Variants in CEMIP observed in about 807,000 individuals in gnomAD.
CEMIP encodes the protein cell migration-inducing and hyaluronan-binding protein.
A neutral mutation model predicts 156.9 loss-of-function variants in CEMIP; 105 were observed. The ratio of observed to expected loss-of-function variants is 0.67; its 90% CI spans 0.57 to 0.79. The LOEUF is 0.79. CEMIP is among the 30% of genes least tolerant of loss of function. CEMIP has a pLI of 0.00. For missense variants in CEMIP, 1,457 were observed against 1,769.4 expected, an observed-to-expected ratio of 0.82 and a Z score of 3.17; for synonymous variants, 676 against 668.4, an observed-to-expected ratio of 1.01 and a Z score of -0.17.
intron 14 of CEMIP, among the ~76,000 whole-genome samples, chr15:80,917,841 A>T (rs2141914557): frequency 6.6e-6 from 1 of 152,352 alleles, no homozygotes; most frequent in East Asian, 1.9e-4. Context: ...AAAAAAATTA[A>T]AATTGAATAG....
At chr15:80,850,239 G>A (rs1897680496) in intron 1 of CEMIP, among the ~76,000 whole-genome samples, 1 of 152,116 alleles carries the variant, frequency 6.6e-6, no homozygotes, top group South Asian at 2.1e-4. Flanking sequence ...GGGGTTTTGG[G>A]CATGTGTAGA....
chr15:80,825,972 T>C (rs1442628918), intron 1 of CEMIP, among the ~76,000 whole-genome samples: 1 of 152,226 alleles, frequency 6.6e-6, no homozygotes, highest in Non-Finnish European at 1.5e-5. Context: ...TTGTATGACA[T>C]ACAGACTCAC....
rs766191791 is a variant in CEMIP, at chr15:80,920,045, C to T, written c.1798-49C>T. The stretch of plus-strand genomic sequence containing the variant: ...TGTTTGCTGAATGCATGAATGAGCA[C>T]ATGAATAACTGGATGCTTGGTGAAA... On this transcript the variant is annotated intron_variant, in intron 14 of 29. Transcript: ENST00000394685. The T allele has an allele frequency of 2.6e-6, 4 of 1,563,190 alleles. No individual in the cohort carries two copies. In the Admixed American group the frequency reaches 5.0e-5, roughly 20 times the overall value.
intron 3 of CEMIP, among the ~76,000 whole-genome samples, chr15:80,876,407 G>A (rs1342360344): frequency 1.3e-5 from 2 of 152,230 alleles, no homozygotes; most frequent in Non-Finnish European, 2.9e-5. Context: ...AAAGTCCACT[G>A]ATGAGCAAGC....
At position 80,906,873 on chromosome 15, in the gene CEMIP, C is replaced by T; in HGVS notation, c.1587+35C>T. 6.3e-7 allele frequency: 1 copy of T among 1,582,824 alleles called. No homozygotes were observed. The highest frequency in any genetic ancestry group is 8.6e-7 in the Non-Finnish European group (1 of 1,162,634). Reference sequence around the variant, plus strand: ...TCTCTGGCAGAGTCTTTCAACCCAACCAGGAGAGTTCCTATGATGTCAGCC... The same window carrying T: ...TCTCTGGCAGAGTCTTTCAACCCAATCAGGAGAGTTCCTATGATGTCAGCC... On this transcript the variant is annotated intron_variant, in intron 13 of 29. Coordinates refer to ENST00000394685, the MANE Select transcript of CEMIP (RefSeq NM_001293298.2). This position sits in a 1 kb window ranked among gnomAD's most constrained non-coding sequence, Gnocchi z 4.3.
At chr15:80,792,908 G>A (rs7161895) in intron 1 of CEMIP, among the ~76,000 whole-genome samples, 117,599 of 152,154 alleles carry the variant, frequency 0.77, 45,549 homozygotes, top group East Asian at 0.85. Context: ...CATGAATGTT[G>A]TCCTGAGAGG....
At chr15:80,792,293 C>T (rs1896100721) in intron 1 of CEMIP, among the ~76,000 whole-genome samples, 1 of 152,158 alleles carries the variant, frequency 6.6e-6, no homozygotes, top group Non-Finnish European at 1.5e-5. Context: ...GCAAAATAAA[C>T]TGTTCTCCAT....
chr15:80,885,802 T>A (rs1461501022), intron 7 of CEMIP, among the ~76,000 whole-genome samples: 1 of 152,234 alleles, frequency 6.6e-6, no homozygotes, highest in African/African-American at 2.4e-5. Flanking sequence ...GAATAAGCAC[T>A]CCATAAATGT....
chr15:80,941,092 G>C (rs60030974), intron 25 of CEMIP, among the ~76,000 whole-genome samples: 1 of 152,144 alleles, frequency 6.6e-6, no homozygotes, highest in African/African-American at 2.4e-5. Context: ...TGTGGTAGGG[G>C]TTTGGGGGCG....
chr15:80,790,580 G>A (rs1184167549), intron 1 of CEMIP, among the ~76,000 whole-genome samples: 1 of 152,168 alleles, frequency 6.6e-6, no homozygotes, highest in African/African-American at 2.4e-5. Flanking sequence ...AGCTCCAGGT[G>A]GGGGTCACTC....
chr15:80,883,652 G>A (rs1051931810), intron 6 of CEMIP, among the ~76,000 whole-genome samples: 2 of 152,176 alleles, frequency 1.3e-5, no homozygotes, highest in African/African-American at 4.8e-5. Context: ...TTGGATCTCT[G>A]CAAGTAACTC....
At chr15:80,870,647 C>G (rs758435865) in intron 1 of CEMIP, among the ~76,000 whole-genome samples, 1 of 152,190 alleles carries the variant, frequency 6.6e-6, no homozygotes, top group African/African-American at 2.4e-5. Flanking sequence ...GCAACGCCAG[C>G]AAGCAACGCC....
chr15:80,927,680 G>A (rs942632016), intron 19 of CEMIP, among the ~76,000 whole-genome samples: 7 of 152,104 alleles, frequency 4.6e-5, no homozygotes, highest in South Asian at 2.1e-4. Flanking sequence ...GTGGTCCTAC[G>A]TGTGGACAAG....
chr15:80,942,101 C>T (rs974035381), intron 26 of CEMIP, 48 bp downstream of exon 26: 16 of 1,581,174 alleles, frequency 1.0e-5, no homozygotes, highest in African/African-American at 1.3e-5. Context: ...TCCAGTCGGG[C>T]CTAGAGCCCT....
chr15:80,779,855 A>G (rs1257980404), intron 1 of CEMIP, among the ~76,000 whole-genome samples: 1 of 152,222 alleles, frequency 6.6e-6, no homozygotes, highest in Non-Finnish European at 1.5e-5. Context: ...AGATCTTGTG[A>G]TGCTTTACAA....
intron 18 of CEMIP, 72 bp downstream of exon 18, chr15:80,924,778 C>A: frequency 7.9e-7 from 1 of 1,267,642 alleles, no homozygotes; most frequent in Non-Finnish European, 1.1e-6. Flanking sequence ...CTCCTTCAAT[C>A]ACTCATTCAT....
At chr15:80,835,064 A>G (rs926963341) in intron 1 of CEMIP, among the ~76,000 whole-genome samples, 10 of 149,602 alleles carry the variant, frequency 6.7e-5, no homozygotes, top group African/African-American at 1.2e-4. Context: ...ACTAAAAACT[A>G]TTCTGAGTCC....
At chr15:80,808,140 CTT>C (rs1012620604) in intron 1 of CEMIP, among the ~76,000 whole-genome samples, 1 of 152,182 alleles carries the variant, frequency 6.6e-6, no homozygotes, top group African/African-American at 2.4e-5. Context: ...GTATTTTTCT[CTT>C]TATAGATGAA....
chr15:80,840,796 C>T lies in CEMIP; in HGVS notation c.-175-32742C>T, dbSNP rs572362025. The stretch of plus-strand genomic sequence containing the variant: ...TAGGGGGTCCAGGACAGGAAGCCAG[C>T]GGTGTTTTATGTTACATTAGGAACA... On this transcript the variant is annotated intron_variant, in intron 1 of 29. Transcript: ENST00000394685. Among the ~76,000 whole-genome samples the T allele has an allele frequency of 1.5e-3, 230 of 152,292 alleles. 1 individual carries two copies. The highest frequency in any genetic ancestry group is 1.3e-3 in the Admixed American group (20 of 15,306).
Sources: allele counts gnomAD v4.1 joint callset (sites outside exome capture counted in the v4.1 genomes callset), GRCh38; gene constraint gnomAD v4.1.1; non-coding constraint Gnocchi (gnomAD v3.1); transcripts MANE v1.5; gene names NCBI Gene and HGNC (gene_info 2026-07-23, HGNC 2026-07-21).